The following HMMR variants were observed in gnomAD, a reference collection of about 807,000 sequenced individuals.
The protein encoded by HMMR is intracellular hyaluronic acid-binding protein.
A neutral mutation model predicts 101.0 loss-of-function variants in HMMR; 108 were observed. The observed-to-expected ratio is 1.07, with a 90% CI of 0.92 to 1.25. The LOEUF is 1.25. Ranked by LOEUF, HMMR falls within the 50% of genes most tolerant of loss-of-function variation. The pLI, the probability that HMMR is intolerant of heterozygous loss-of-function variation, is 0.00. For missense variants in HMMR, 813 were observed against 788.7 expected, an observed-to-expected ratio of 1.03 and a Z score of -0.37; for synonymous variants, 296 against 276.4, an observed-to-expected ratio of 1.07 and a Z score of -0.70.
chr5:163,482,725 A>C lies in HMMR; in HGVS notation c.1469A>C (p.Lys490Thr). The change falls in exon 13 of 18, where the codon AAA (lysine) becomes ACA (threonine). Residue 490 changes from lysine (K) to threonine (T), a missense_variant. Lys to Thr is a moderately conservative substitution (Grantham distance 78, BLOSUM62 -1). Coordinates refer to ENST00000393915, the MANE Select transcript of HMMR (RefSeq NM_001142556.2). The stretch of plus-strand genomic sequence containing the variant: ...CAGGAAAAAGCGGCCAAGGCTGGGA[A>C]AAATGCAGAGGATGTTCAGCATCAG... The part of the protein sequence containing the change: ...SLQEKAAKAG[K>T]NAEDVQHQIL... 1 of 1,613,924 alleles carries C rather than the reference A, an allele frequency of 6.2e-7. No homozygotes were observed. Among genetic ancestry groups the C allele is most frequent in the South Asian group, 1.1e-5 (1 of 91,088 alleles).
chr5:163,473,314 AT>A (rs1758956786), intron 8 of HMMR, 61 bp downstream of exon 8: 1 of 1,505,934 alleles, frequency 6.6e-7, no homozygotes, highest in African/African-American at 1.4e-5. Flanking sequence ...CATTTTCATC[AT>A]TTTTCTGTTA....
At chr5:163,463,637 G>A (rs1758608341) in intron 1 of HMMR, among the ~76,000 whole-genome samples, 1 of 152,124 alleles carries the variant, frequency 6.6e-6, no homozygotes, top group East Asian at 1.9e-4. Flanking sequence ...TTGCTCAGTT[G>A]CCTGTGTTCC....
rs551589146 is a variant in HMMR, at chr5:163,475,143, A to G, written c.1054-315A>G. On this transcript the variant is annotated intron_variant, in intron 10 of 17. Transcript: ENST00000393915. ...ATGGAAATCACCACACACTTTTTAC[A>G]TAATATGTGAAAAATAATGTTAATA... Among the ~76,000 whole-genome samples, 9 of 152,152 alleles carry G rather than the reference A, an allele frequency of 5.9e-5. No individual in the cohort carries two copies. The South Asian group carries it at 6.2e-4, about 11-fold the overall frequency.
chr5:163,485,669 C>A, intron 16 of HMMR, among the ~76,000 whole-genome samples: 1 of 152,160 alleles, frequency 6.6e-6, no homozygotes, highest in Non-Finnish European at 1.5e-5. Context: ...TTTATGACGT[C>A]CAGTGTGTCT....
Position 163,483,387 on chromosome 5 carries a change from A to T in HMMR, c.1785+20A>T. On this transcript the variant is annotated intron_variant, in intron 15 of 17. Coordinates refer to ENST00000393915, the MANE Select transcript of HMMR (RefSeq NM_001142556.2). ...TTTCAGGTTTGTCAGTTAGGAGTAA[A>T]CTTACTTGTGTTTATTTTAGGGACT... is the stretch of plus-strand genomic sequence containing the variant. The T allele has an allele frequency of 7.6e-7, 1 of 1,323,104 alleles. No homozygotes were observed. The highest frequency in any genetic ancestry group is 1.1e-6 in the Non-Finnish European group (1 of 927,738). 82.0% of individuals were successfully genotyped at this position (1,323,104 alleles called of 1,614,324 possible). A position where few individuals can be genotyped will look rare whatever the true frequency, so the allele number is the denominator to read the frequency against.
Position 163,490,911 on chromosome 5 carries a change from A to G in HMMR, c.2126-201A>G, listed in dbSNP as rs113117207. 7.9e-5 allele frequency among the ~76,000 whole-genome samples: 12 copies of G among 152,340 alleles called. 1 individual carries two copies. Among genetic ancestry groups the G allele is most frequent in the African/African-American group, 2.9e-4 (12 of 41,584 alleles). ...TTCTGATTTGTAGTTTTAGAGAAGT[A>G]AATTTCTTATTTCTTGACTGTGAAT... On this transcript the variant is annotated intron_variant, in intron 17 of 17. Transcript: ENST00000393915.
chr5:163,461,082 A>G (rs1350195492), intron 1 of HMMR, among the ~76,000 whole-genome samples: 1 of 152,192 alleles, frequency 6.6e-6, no homozygotes, highest in East Asian at 1.9e-4. Context: ...GGCCTCACTG[A>G]TAAGAACACT....
intron 3 of HMMR, among the ~76,000 whole-genome samples, chr5:163,466,697 C>T (rs1436063260): frequency 6.6e-6 from 1 of 152,004 alleles, no homozygotes; most frequent in Non-Finnish European, 1.5e-5. Context: ...ACTTTAAAGA[C>T]TTAGTACAAA....
intron 1 of HMMR, among the ~76,000 whole-genome samples, chr5:163,463,321 C>T (rs113252081): frequency 1.3e-5 from 2 of 152,144 alleles, no homozygotes; most frequent in Non-Finnish European, 2.9e-5. Context: ...AGTAAGTGCT[C>T]AAAAAATTCT....
intron 17 of HMMR, 138 bp downstream of exon 17, chr5:163,490,690 T>G: frequency 1.5e-6 from 1 of 677,098 alleles, no homozygotes; most frequent in South Asian, 1.8e-5. Flanking sequence ...GAGATTGTTG[T>G]GTACAATGAC....
chr5:163,480,001 A>G (rs1448627029), intron 12 of HMMR, among the ~76,000 whole-genome samples: 2 of 152,164 alleles, frequency 1.3e-5, no homozygotes, highest in Non-Finnish European at 2.9e-5. Flanking sequence ...TTTGGGGGAG[A>G]GTTTCCTTTC....
intron 12 of HMMR, among the ~76,000 whole-genome samples, chr5:163,480,540 T>C (rs1759220254): frequency 6.6e-6 from 1 of 152,220 alleles, no homozygotes; most frequent in African/African-American, 2.4e-5. Flanking sequence ...AATACATGTA[T>C]GTAAGAATTT....
At chr5:163,487,207 T>A (rs952956315) in intron 16 of HMMR, among the ~76,000 whole-genome samples, 2 of 152,244 alleles carry the variant, frequency 1.3e-5, no homozygotes, top group African/African-American at 2.4e-5. Flanking sequence ...GAGATTATCA[T>A]GTAATTTTTT....
In HMMR at chr5:163,460,742, C is replaced by T. The variant is rs751838275; in HGVS notation, c.46+4C>T. The T allele has an allele frequency of 1.9e-6, 3 of 1,606,404 alleles. No homozygotes were observed. Among genetic ancestry groups the T allele is most frequent in the Admixed American group, 3.4e-5 (2 of 59,086 alleles). On this transcript the variant is annotated splice_donor_region_variant and intron_variant, in intron 1 of 17. Coordinates refer to ENST00000393915, the MANE Select transcript of HMMR (RefSeq NM_001142556.2). ...AAACGATTCAATGACCCTTCTGGTG[C>T]GTAAGGGGGAAAGAGCTGGGGGACG...
Position 163,483,020 on chromosome 5 carries a change from G to A in HMMR, c.1533G>A (p.Arg511=). ...ATESSNQEYV[R]MLLDLQTKSA... The stretch of plus-strand genomic sequence containing the variant: ...TGACCTCTTCTCTCTCAAACCAAAG[G>A]ATGCTTCTAGATCTGCAGACCAAGT... Residue 511 remains arginine, a splice_region_variant and synonymous_variant, in exon 14 of 18, where the codon AGG becomes AGA. Coordinates refer to ENST00000393915, the MANE Select transcript of HMMR (RefSeq NM_001142556.2). 6.3e-7 allele frequency: 1 copy of A among 1,582,638 alleles called. No individual in the cohort carries two copies. The highest frequency in any genetic ancestry group is 8.5e-7 in the Non-Finnish European group (1 of 1,170,222).
intron 1 of HMMR, among the ~76,000 whole-genome samples, chr5:163,462,872 G>C (rs10076669): frequency 6.8e-6 from 1 of 146,816 alleles, no homozygotes; most frequent in African/African-American, 2.5e-5. Flanking sequence ...CCTGTCTACT[G>C]TTTGACAAAC....
At chr5:163,474,012 T>C in intron 9 of HMMR, 45 bp from the exon 10 acceptor site, 10 of 1,520,630 alleles carry the variant, frequency 6.6e-6, no homozygotes, top group Non-Finnish European at 9.0e-6. Flanking sequence ...TCAGTCTTAA[T>C]GTTCTTATCT....
intron 16 of HMMR, among the ~76,000 whole-genome samples, chr5:163,486,992 C>T (rs1759498119): frequency 6.6e-6 from 1 of 152,072 alleles, no homozygotes; most frequent in African/African-American, 2.4e-5. Flanking sequence ...ATGGCTTGAA[C>T]CCAGAAGACA....
chr5:163,478,753 T>C lies in HMMR; in HGVS notation c.1338T>C (p.Tyr446=). The part of the protein sequence containing the change: ...TQATLLLQEK[Y]DSMVQSLEDV... ...CCACCCTGCTTTTGCAGGAAAAGTA[T>C]GACAGTATGGTGCAAAGCCTTGAAG... is the stretch of plus-strand genomic sequence containing the variant. Residue 446 remains tyrosine (Y), a synonymous_variant, in exon 12 of 18, where the codon TAT becomes TAC. Transcript: ENST00000393915. 2 of 1,613,190 alleles carry C rather than the reference T, an allele frequency of 1.2e-6. No individual in the cohort carries two copies. Among genetic ancestry groups the C allele is most frequent in the Non-Finnish European group, 1.7e-6 (2 of 1,179,154 alleles).
Sources: allele counts gnomAD v4.1 joint callset (sites outside exome capture counted in the v4.1 genomes callset), GRCh38; gene constraint gnomAD v4.1.1; transcripts MANE v1.5; gene names NCBI Gene and HGNC (gene_info 2026-07-23, HGNC 2026-07-21).